The following SLC13A2 variants were observed in gnomAD, a reference collection of about 807,000 sequenced individuals.
SLC13A2 encodes Na(+)-coupled citrate transporter.
A neutral mutation model predicts 58.5 loss-of-function variants in SLC13A2; 40 were observed. That is an observed-to-expected ratio of 0.68 (90% CI 0.53 to 0.89). The LOEUF is 0.89. Among genes scored for constraint, SLC13A2 ranks in the 40% least tolerant of loss-of-function variants. The pLI, the probability that SLC13A2 is intolerant of heterozygous loss-of-function variation, is 0.00. For synonymous variants in SLC13A2, 341 were observed against 331.6 expected (o/e 1.03, Z -0.31); for missense variants, 694 against 772.6 (o/e 0.90, Z 1.21).
intron 7 of SLC13A2, 98 bp downstream of exon 7, chr17:28,493,887 C>T: frequency 1.3e-6 from 2 of 1,484,514 alleles, no homozygotes; most frequent in South Asian, 1.2e-5. Flanking sequence ...CAGGAGGTAA[C>T]ACTTGGTGGG....
chr17:28,478,362 C>T (rs2068728303), intron 1 of SLC13A2, among the ~76,000 whole-genome samples: 1 of 152,202 alleles, frequency 6.6e-6, no homozygotes, highest in Non-Finnish European at 1.5e-5. Context: ...TCAGGGGTTA[C>T]CAAAAGGAAT....
chr17:28,479,890 C>A lies in SLC13A2; in HGVS notation c.102+6076C>A, dbSNP rs1450927064. Among the ~76,000 whole-genome samples the A allele has an allele frequency of 7.2e-5, 11 of 152,310 alleles. No homozygotes were observed. In the South Asian group the frequency reaches 1.2e-3, roughly 17 times the overall value. On this transcript the variant is annotated intron_variant, in intron 1 of 11. Coordinates refer to ENST00000314669, the MANE Select transcript of SLC13A2 (RefSeq NM_003984.4). ...AAAAAGTTGGCTGGGCGCAATGGCT[C>A]ATGCCTGCAATCCCAGCACTTTGGG...
Position 28,491,606 on chromosome 17 carries a change from C to T in SLC13A2, c.744C>T (p.Gly248=). Residue 248 remains glycine (G), a synonymous_variant, in exon 5 of 12, where the codon GGC becomes GGT. Transcript: ENST00000314669. ...TGTAPNLVLQ[G]QINSLFPQNG... ...CCGCACCCAACCTGGTGCTGCAAGG[C>T]CAGATCAACTCGTGAGTGACAAGGG... 1.2e-6 allele frequency: 2 copies of T among 1,612,982 alleles called. No individual in the cohort carries two copies. Among genetic ancestry groups the T allele is most frequent in the South Asian group, 1.1e-5 (1 of 91,052 alleles).
At chr17:28,477,367 T>G (rs2068699068) in intron 1 of SLC13A2, among the ~76,000 whole-genome samples, 2 of 151,488 alleles carry the variant, frequency 1.3e-5, no homozygotes, top group South Asian at 4.2e-4. Flanking sequence ...CTAATTTTTT[T>G]GTATTTTTAG....
At position 28,497,158 on chromosome 17, in the gene SLC13A2, C is replaced by G; in HGVS notation, c.1668C>G (p.Asn556Lys). The change falls in exon 12 of 12, where the codon AAC (asparagine) becomes AAG (lysine). Residue 556 changes from asparagine to lysine, a missense_variant. By Grantham distance (94) the Asn-to-Lys change is moderately conservative (BLOSUM62 0). Coordinates refer to ENST00000314669, the MANE Select transcript of SLC13A2 (RefSeq NM_003984.4). ...IGVLIIALAI[N>K]SWGIPLFSLH... The stretch of plus-strand genomic sequence containing the variant: ...TCCTGATCATCGCACTGGCCATCAA[C>G]AGCTGGGGCATCCCCCTCTTCAGCC... The G allele has an allele frequency of 1.2e-6, 2 of 1,614,170 alleles. No individual in the cohort carries two copies. The highest frequency in any genetic ancestry group is 1.7e-6 in the Non-Finnish European group (2 of 1,180,022).
chr17:28,493,326 C>T (rs2069065198), intron 6 of SLC13A2, among the ~76,000 whole-genome samples: 1 of 152,166 alleles, frequency 6.6e-6, no homozygotes. Flanking sequence ...GAGGGTTCAG[C>T]ACCATAGAAC....
chr17:28,483,107 G>A (rs1268663245), intron 1 of SLC13A2, among the ~76,000 whole-genome samples: 1 of 152,236 alleles, frequency 6.6e-6, no homozygotes, highest in Non-Finnish European at 1.5e-5. Context: ...GTGGGCACAT[G>A]TGCTGCTGCC....
chr17:28,477,194 T>G (rs1452135165), intron 1 of SLC13A2, among the ~76,000 whole-genome samples: 3 of 47,562 alleles, frequency 6.3e-5, no homozygotes, highest in Non-Finnish European at 1.0e-4. Context: ...AAGTTTTTTG[T>G]TTTTTTTTTT....
intron 4 of SLC13A2, 91 bp from the exon 5 acceptor site, chr17:28,491,346 A>G: frequency 1.4e-6 from 2 of 1,433,332 alleles, no homozygotes; most frequent in Non-Finnish European, 1.9e-6. Flanking sequence ...CTGTTCACAG[A>G]CAAGGTACCC....
In SLC13A2 at chr17:28,489,423, G is replaced by T. The variant is rs1376272358; in HGVS notation, c.231+81G>T. ...GGTTCCCTCAGCCCTTGTTGACAAA[G>T]GAAGCCTCACCATAGGCAGGGCACA... On this transcript the variant is annotated intron_variant, in intron 2 of 11. Coordinates refer to ENST00000314669, the MANE Select transcript of SLC13A2 (RefSeq NM_003984.4). 2.0e-6 allele frequency: 3 copies of T among 1,495,400 alleles called. No homozygotes were observed. The African/African-American group carries it at 4.2e-5, about 21-fold the overall frequency. The allele number at this position is 1,495,400 out of a possible 1,614,324, so 92.6% of individuals were successfully genotyped here. A position where few individuals can be genotyped will look rare whatever the true frequency, so the allele number is the denominator to read the frequency against.
At position 28,496,492 on chromosome 17, in the gene SLC13A2, T is replaced by G; in HGVS notation, c.1513T>G (p.Cys505Gly). The G allele has an allele frequency of 6.2e-7, 1 of 1,613,380 alleles. No homozygotes were observed. The highest frequency in any genetic ancestry group is 8.5e-7 in the Non-Finnish European group (1 of 1,179,562). ...CLHPLYVMLP[C>G]TLATSLAFML... is the part of the protein sequence containing the mutation. ...CCACCCTCTCTACGTCATGCTCCCC[T>G]GCACTCTGGCCACCTCCCTGGCCTT... Residue 505 changes from cysteine to glycine, a missense_variant, in exon 11 of 12, where the codon TGC (cysteine) becomes GGC (glycine). Physicochemically the swap from Cys to Gly is radical, Grantham distance 159. Transcript: ENST00000314669. This position sits in a 1 kb window ranked among gnomAD's most constrained non-coding sequence, Gnocchi z 4.2.
Position 28,497,308 on chromosome 17 carries a change from C to A in SLC13A2, c.*39C>A. 6.3e-7 allele frequency: 1 copy of A among 1,585,032 alleles called. No homozygotes were observed. ...CTGGCCATGCCCAGGAAGACCCACC[C>A]CATTCCCACTCCTCTGAGCCCGGAG... On this transcript the variant is annotated 3_prime_UTR_variant, in exon 12 of 12. Transcript: ENST00000314669.
Position 28,494,556 on chromosome 17 carries a change from T to TC in SLC13A2, c.1308+45dup. On this transcript the variant is annotated intron_variant, in intron 9 of 11. Transcript: ENST00000314669. This position sits in a 1 kb window ranked among gnomAD's most constrained non-coding sequence, Gnocchi z 4.0. Reference sequence around the variant, plus strand: ...CCTCCTCAGCCTGTGTGAGGGTGTCTCTGTGGCAGGGAGAGAGGGGGCCCT... The same window carrying TC: ...CCTCCTCAGCCTGTGTGAGGGTGTCTCCTGTGGCAGGGAGAGAGGGGGCCCT... 6.2e-7 allele frequency: 1 copy of TC among 1,611,610 alleles called. No homozygotes were observed. Among genetic ancestry groups the TC allele is most frequent in the Non-Finnish European group, 8.5e-7 (1 of 1,178,796 alleles).
chr17:28,497,466 ATG>A lies in SLC13A2; in HGVS notation c.*206_*207del. 1.6e-6 allele frequency: 1 copy of A among 628,192 alleles called. No homozygotes were observed. The highest frequency in any genetic ancestry group is 2.7e-6 in the Non-Finnish European group (1 of 366,180). The allele number at this position is 628,192 out of a possible 1,614,324, so 38.9% of individuals were successfully genotyped here. On this transcript the variant is annotated 3_prime_UTR_variant, in exon 12 of 12. Coordinates refer to ENST00000314669, the MANE Select transcript of SLC13A2 (RefSeq NM_003984.4). ...ATGTGCTGGAATAAAAGGTGTGTGCATGTGTGTGTGCGCATATGTGTGCGCCT... is the reference window on the plus strand; with the variant it reads ...ATGTGCTGGAATAAAAGGTGTGTGCATGTGTGTGCGCATATGTGTGCGCCT...
chr17:28,489,445 C>T, intron 2 of SLC13A2, 103 bp downstream of exon 2: 1 of 1,367,894 alleles, frequency 7.3e-7, no homozygotes, highest in Non-Finnish European at 9.8e-7. Flanking sequence ...ATAGGCAGGG[C>T]ACATGGATTA....
Position 28,494,254 on chromosome 17 carries a change from T to C in SLC13A2, c.1187-137T>C. 1.3e-6 allele frequency: 2 copies of C among 1,531,598 alleles called. No homozygotes were observed. The highest frequency in any genetic ancestry group is 1.8e-6 in the Non-Finnish European group (2 of 1,111,598). The allele number at this position is 1,531,598 out of a possible 1,614,324, so 94.9% of individuals were successfully genotyped here. A position where few individuals can be genotyped will look rare whatever the true frequency, so the allele number is the denominator to read the frequency against. On this transcript the variant is annotated intron_variant, in intron 8 of 11. Transcript: ENST00000314669. The surrounding 1 kb of genome is among the most constrained non-coding windows in gnomAD (Gnocchi z 4.0). Reference sequence around the variant, plus strand: ...AGGGCACAGGGACTCGGAGACAAAGTTGAGATGTTGCAGAACTGAGGGTCC... The same window carrying C: ...AGGGCACAGGGACTCGGAGACAAAGCTGAGATGTTGCAGAACTGAGGGTCC...
Position 28,473,787 on chromosome 17 carries a change from G to A in SLC13A2, c.75G>A (p.Leu25=). Residue 25 remains leucine, a synonymous_variant, in exon 1 of 12, where the codon CTG becomes CTA. Transcript: ENST00000314669. The part of the protein sequence containing the change: ...LIVFFVPILL[L]PLPILVPSKE... ...TGTTCTTCGTGCCCATTCTCCTGCTGCCTCTGCCCATCCTCGTCCCCAGTA... is the reference window on the plus strand; with the variant it reads ...TGTTCTTCGTGCCCATTCTCCTGCTACCTCTGCCCATCCTCGTCCCCAGTA... The A allele has an allele frequency of 6.2e-7, 1 of 1,614,126 alleles. No individual in the cohort carries two copies. Among genetic ancestry groups the A allele is most frequent in the Non-Finnish European group, 8.5e-7 (1 of 1,180,018 alleles).
intron 1 of SLC13A2, among the ~76,000 whole-genome samples, chr17:28,475,296 T>C (rs969359822): frequency 1.1e-4 from 17 of 152,164 alleles, no homozygotes; most frequent in African/African-American, 4.1e-4. Flanking sequence ...CTGTGCACCG[T>C]ATCTGGCCCT....
At chr17:28,490,325 CCA>C (rs2068978947) in intron 2 of SLC13A2, 127 bp from the exon 3 acceptor site, 1 of 1,606,220 alleles carries the variant, frequency 6.2e-7, no homozygotes, top group African/African-American at 1.3e-5. Flanking sequence ...GAGACCATTT[CCA>C]TCCAGTTTCG....
Sources: allele counts gnomAD v4.1 joint callset (sites outside exome capture counted in the v4.1 genomes callset), GRCh38; gene constraint gnomAD v4.1.1; non-coding constraint Gnocchi (gnomAD v3.1); transcripts MANE v1.5; gene names NCBI Gene and HGNC (gene_info 2026-07-23, HGNC 2026-07-21).